PRKG1: variants seen among roughly 807,000 people sequenced by gnomAD.
The protein encoded by PRKG1 is protein kinase cGMP-dependent 1.
A neutral mutation model predicts 88.1 loss-of-function variants in PRKG1; 35 were observed. The ratio of observed to expected loss-of-function variants is 0.40; its 90% confidence interval spans 0.30 to 0.53. PRKG1 has a LOEUF of 0.53. Ranked by LOEUF, PRKG1 falls within the 20% of genes least tolerant of loss-of-function variation. The pLI, the probability that PRKG1 is intolerant of heterozygous loss-of-function variation, is 0.59. For missense variants in PRKG1, 540 were observed against 839.8 expected (o/e 0.64, Z 4.41); for synonymous variants, 303 against 292.5 (o/e 1.04, Z -0.37).
At chr10:51,128,033 G>T (rs955560959) in intron 1 of PRKG1, among the ~76,000 whole-genome samples, 6 of 152,234 alleles carry the variant, frequency 3.9e-5, no homozygotes, top group Admixed American at 3.9e-4. Context: ...CTAGATGACA[G>T]GTTGATAGGT....
At chr10:51,689,680 T>C (rs1470843150) in intron 3 of PRKG1, among the ~76,000 whole-genome samples, 1 of 152,154 alleles carries the variant, frequency 6.6e-6, no homozygotes, top group African/African-American at 2.4e-5. Context: ...TTGTCTGTGG[T>C]TTCCCAGGTG....
At chr10:51,748,770 T>C (rs1436306554) in intron 3 of PRKG1, among the ~76,000 whole-genome samples, 1 of 152,234 alleles carries the variant, frequency 6.6e-6, no homozygotes, top group African/African-American at 2.4e-5. Context: ...TTTATGCAGA[T>C]TTATAAACTT....
intron 2 of PRKG1, among the ~76,000 whole-genome samples, chr10:51,216,925 T>C (rs1344074476): frequency 6.6e-6 from 1 of 152,192 alleles, no homozygotes. Flanking sequence ...TTACAACTTG[T>C]ATACATGAGA....
At chr10:52,213,568 G>C (rs1241777048) in intron 9 of PRKG1, among the ~76,000 whole-genome samples, 1 of 152,110 alleles carries the variant, frequency 6.6e-6, no homozygotes, top group Non-Finnish European at 1.5e-5. Flanking sequence ...TGCTCATTAG[G>C]GAAAAAAGAG....
intron 2 of PRKG1, among the ~76,000 whole-genome samples, chr10:51,410,409 G>A (rs968442408): frequency 1.3e-5 from 2 of 151,966 alleles, no homozygotes; most frequent in Admixed American, 1.3e-4. Flanking sequence ...CTTGGGGTAT[G>A]ATATTCGAGG....
At position 51,974,109 on chromosome 10, in the gene PRKG1, AT is replaced by A. The variant is rs1843772298; in HGVS notation, c.762+66542del. Among the ~76,000 whole-genome samples the A allele has an allele frequency of 2.0e-5, 3 of 152,038 alleles. No homozygotes were observed. In the South Asian group the frequency reaches 6.2e-4, roughly 32 times the overall value. On this transcript the variant is annotated intron_variant, in intron 5 of 17. Coordinates refer to ENST00000373980, the MANE Select transcript of PRKG1 (RefSeq NM_006258.4). Reference sequence around the variant, plus strand: ...CCCCATGGCCTGCAAAGACTAAAATATTTACTATCTGGTCATTTATGGAAAA... The same window carrying A: ...CCCCATGGCCTGCAAAGACTAAAATATTACTATCTGGTCATTTATGGAAAA...
At chr10:52,136,189 A>C (rs1837413695) in intron 8 of PRKG1, among the ~76,000 whole-genome samples, 1 of 152,134 alleles carries the variant, frequency 6.6e-6, no homozygotes, top group Non-Finnish European at 1.5e-5. Context: ...CTGAGCTTAC[A>C]GTATACAAGT....
chr10:51,971,958 C>T (rs377522569), intron 5 of PRKG1, among the ~76,000 whole-genome samples: 1 of 152,122 alleles, frequency 6.6e-6, no homozygotes, highest in South Asian at 2.1e-4. Context: ...TACCATTTTG[C>T]CAATTTGCTG....
At chr10:52,259,409 T>C (rs1160278225) in intron 10 of PRKG1, among the ~76,000 whole-genome samples, 1 of 152,108 alleles carries the variant, frequency 6.6e-6, no homozygotes. Context: ...GTCTTAATTA[T>C]GTAGAAAATA....
chr10:51,946,547 A>T (rs1193652740), intron 5 of PRKG1, among the ~76,000 whole-genome samples: 7 of 151,822 alleles, frequency 4.6e-5, no homozygotes, highest in Admixed American at 4.6e-4. Flanking sequence ...TGCTTTTTAG[A>T]GTTTCCAGTT....
At chr10:51,733,253 T>C (rs1837167785) in intron 3 of PRKG1, among the ~76,000 whole-genome samples, 1 of 152,132 alleles carries the variant, frequency 6.6e-6, no homozygotes. Flanking sequence ...CAGAAGTGAC[T>C]TTCAGAAGCC....
chr10:51,296,986 T>A (rs1216143902), intron 2 of PRKG1, among the ~76,000 whole-genome samples: 2 of 152,138 alleles, frequency 1.3e-5, no homozygotes, highest in Non-Finnish European at 2.9e-5. Context: ...ATTTCATTCC[T>A]TTTGGGAGGA....
chr10:52,131,844 A>AAAAAC lies in PRKG1; in HGVS notation c.936-1994_936-1993insAACAA, dbSNP rs764532999. Among the ~76,000 whole-genome samples the AAAAAC allele has an allele frequency of 2.4e-3, 279 of 117,228 alleles. 17 individuals carry two copies. Among genetic ancestry groups the AAAAAC allele is most frequent in the South Asian group, 0.012 (37 of 3,026 alleles). The allele number at this position is 117,228 out of a possible 152,430, so 76.9% of individuals were successfully genotyped here. A position where few individuals can be genotyped will look rare whatever the true frequency, so the allele number is the denominator to read the frequency against. On this transcript the variant is annotated intron_variant, in intron 7 of 17. Transcript: ENST00000373980. Reference sequence around the variant, plus strand: ...AAAAAAAAAAAAAAAAAAAAAAAAAAAAGAGGCCAGTTTGGCCAAAAGGCA... The same window carrying AAAAAC: ...AAAAAAAAAAAAAAAAAAAAAAAAAAAAAACAAGAGGCCAGTTTGGCCAAAAGGCA...
chr10:51,499,475 C>T (rs1256801236), intron 3 of PRKG1, among the ~76,000 whole-genome samples: 2 of 152,156 alleles, frequency 1.3e-5, no homozygotes, highest in Admixed American at 6.5e-5. Flanking sequence ...GGAATTACCC[C>T]TTAAAAGGGA....
intron 2 of PRKG1, among the ~76,000 whole-genome samples, chr10:51,267,013 G>T (rs1294181433): frequency 6.6e-6 from 1 of 152,144 alleles, no homozygotes; most frequent in Non-Finnish European, 1.5e-5. Flanking sequence ...TATGGAAGGG[G>T]TGTTGAAGAA....
chr10:51,905,633 G>A (rs1256748543), intron 4 of PRKG1, among the ~76,000 whole-genome samples: 2 of 151,836 alleles, frequency 1.3e-5, no homozygotes, highest in Non-Finnish European at 2.9e-5. Flanking sequence ...TTATAATTTT[G>A]CATAAAGTAA....
intron 2 of PRKG1, among the ~76,000 whole-genome samples, chr10:51,196,803 A>G (rs1440032048): frequency 6.6e-6 from 1 of 152,210 alleles, no homozygotes; most frequent in African/African-American, 2.4e-5. Context: ...GCTCAGTTCA[A>G]GTTGGCCACT....
At chr10:51,770,038 T>C (rs754343010) in intron 3 of PRKG1, among the ~76,000 whole-genome samples, 2 of 152,198 alleles carry the variant, frequency 1.3e-5, no homozygotes, top group African/African-American at 2.4e-5. Context: ...TGTACGACAG[T>C]TTCATCTCCT....
chr10:51,970,001 T>C (rs992878398), intron 5 of PRKG1, among the ~76,000 whole-genome samples: 2 of 144,482 alleles, frequency 1.4e-5, no homozygotes, highest in African/African-American at 2.6e-5. Flanking sequence ...ATTCTCTTCA[T>C]ACACACACAC....
Sources: allele counts gnomAD v4.1 joint callset (sites outside exome capture counted in the v4.1 genomes callset), GRCh38; gene constraint gnomAD v4.1.1; transcripts MANE v1.5; gene names NCBI Gene and HGNC (gene_info 2026-07-23, HGNC 2026-07-21).